Variants in SDK1 observed in about 807,000 individuals in gnomAD.
The protein encoded by SDK1 is protein sidekick-1.
Under a neutral mutation model 245.5 loss-of-function variants are expected in SDK1, and 157 were observed. That is an observed-to-expected ratio of 0.64 (90% confidence interval 0.56 to 0.73). The LOEUF is 0.73. SDK1 is among the 30% of genes least tolerant of loss of function. The pLI, the probability that SDK1 is intolerant of heterozygous loss-of-function variation, is 0.00. For missense variants in SDK1, 3,583 were observed against 3,002.3 expected (o/e 1.19, Z -4.52); for synonymous variants, 1,647 against 1,278.5 (o/e 1.29, Z -6.15).
chr7:3,447,618 A>G (rs566045033), intron 1 of SDK1, among the ~76,000 whole-genome samples: 1 of 152,014 alleles, frequency 6.6e-6, no homozygotes, highest in East Asian at 1.9e-4. Context: ...ATATTGATGT[A>G]CATTTGGGTG....
Position 3,390,436 on chromosome 7 carries a change from A to G in SDK1, c.298+88552A>G, listed in dbSNP as rs181228558. On this transcript the variant is annotated intron_variant, in intron 1 of 44. Coordinates refer to ENST00000404826, the MANE Select transcript of SDK1 (RefSeq NM_152744.4). ...AGAACTGTGCATCCTCTTATTGTGC[A>G]CAATTGATCTGGAAGCATCTTTCCT... Among the ~76,000 whole-genome samples, 4 of 152,346 alleles carry G rather than the reference A, an allele frequency of 2.6e-5. No homozygotes were observed. The East Asian group carries it at 7.7e-4, about 29-fold the overall frequency.
chr7:3,777,604 C>T (rs967028250), intron 4 of SDK1, among the ~76,000 whole-genome samples: 1 of 152,234 alleles, frequency 6.6e-6, no homozygotes, highest in Non-Finnish European at 1.5e-5. Flanking sequence ...CCTCTGCCAA[C>T]AGTGTCCCCT....
chr7:3,985,101 T>A (rs1238027417), intron 13 of SDK1, among the ~76,000 whole-genome samples: 1 of 152,122 alleles, frequency 6.6e-6, no homozygotes, highest in African/African-American at 2.4e-5. Flanking sequence ...CTTATCCCCA[T>A]GACTGGCCTT....
chr7:3,546,288 G>T (rs1779223311), intron 1 of SDK1, among the ~76,000 whole-genome samples: 1 of 152,180 alleles, frequency 6.6e-6, no homozygotes, highest in Non-Finnish European at 1.5e-5. Context: ...AAAAGCATGG[G>T]TGTGAATCCT....
intron 1 of SDK1, among the ~76,000 whole-genome samples, chr7:3,361,986 C>T (rs974823141): frequency 3.3e-5 from 5 of 152,164 alleles, no homozygotes; most frequent in African/African-American, 1.2e-4. Flanking sequence ...GTCTTGGTAC[C>T]ACGCTTTATT....
intron 5 of SDK1, among the ~76,000 whole-genome samples, chr7:3,904,781 C>G (rs964300311): frequency 1.3e-5 from 2 of 152,042 alleles, no homozygotes; most frequent in African/African-American, 2.4e-5. Context: ...ATCACAAGGT[C>G]AGGAGATCGA....
At chr7:4,204,553 G>A (rs13230809) in intron 35 of SDK1, among the ~76,000 whole-genome samples, 11 of 152,292 alleles carry the variant, frequency 7.2e-5, no homozygotes, top group African/African-American at 2.2e-4. Context: ...GGGAAGGGGC[G>A]AGTCCTGAGG....
At chr7:3,970,184 C>A (rs1782379044) in intron 11 of SDK1, among the ~76,000 whole-genome samples, 2 of 152,194 alleles carry the variant, frequency 1.3e-5, no homozygotes, top group Admixed American at 6.5e-5. Flanking sequence ...TTTTACAAAT[C>A]TATCTACATG....
At chr7:3,652,446 G>T (rs187930192) in intron 4 of SDK1, among the ~76,000 whole-genome samples, 9 of 152,218 alleles carry the variant, frequency 5.9e-5, no homozygotes, top group African/African-American at 2.2e-4. Flanking sequence ...GCCCCTCATG[G>T]CCTCACAGCT....
rs562973867 is a variant in SDK1, at chr7:4,265,633, T to G, written c.*249T>G. 15 of 1,307,412 alleles carry G rather than the reference T, an allele frequency of 1.1e-5. No homozygotes were observed. The African/African-American group carries it at 1.7e-4, about 15-fold the overall frequency. The allele number at this position is 1,307,412 out of a possible 1,614,324, so 81.0% of individuals were successfully genotyped here. A position where few individuals can be genotyped will look rare whatever the true frequency, so the allele number is the denominator to read the frequency against. ...CTTTTCTTTTTAAGAGAAGGTGTAT[T>G]TCACTGGTGCAATGGCTTGGCACCT... On this transcript the variant is annotated 3_prime_UTR_variant, in exon 45 of 45. Transcript: ENST00000404826.
chr7:3,735,341 C>T (rs1439196874), intron 4 of SDK1, among the ~76,000 whole-genome samples: 1 of 152,136 alleles, frequency 6.6e-6, no homozygotes, highest in Non-Finnish European at 1.5e-5. Flanking sequence ...TCCCCCACAG[C>T]CCCAGGCAGC....
intron 4 of SDK1, among the ~76,000 whole-genome samples, chr7:3,776,198 G>A (rs913937344): frequency 1.3e-5 from 2 of 152,196 alleles, no homozygotes; most frequent in Non-Finnish European, 2.9e-5. Flanking sequence ...CATTTGCTTT[G>A]GAGGAGCTGT....
At chr7:3,811,505 A>G (rs1195394364) in intron 4 of SDK1, among the ~76,000 whole-genome samples, 2 of 152,222 alleles carry the variant, frequency 1.3e-5, no homozygotes, top group African/African-American at 2.4e-5. Context: ...TTGGGAGAAG[A>G]TGCAAGAGCT....
chr7:3,661,685 C>T (rs753508178), intron 4 of SDK1, among the ~76,000 whole-genome samples: 1 of 152,160 alleles, frequency 6.6e-6, no homozygotes, highest in African/African-American at 2.4e-5. Flanking sequence ...TTAACATCTT[C>T]AGGAATATAT....
At chr7:3,532,755 T>C (rs1261526739) in intron 1 of SDK1, among the ~76,000 whole-genome samples, 1 of 152,244 alleles carries the variant, frequency 6.6e-6, no homozygotes, top group East Asian at 1.9e-4. Flanking sequence ...CTCTGCACTC[T>C]GCATTCGAAG....
chr7:4,063,508 G>A lies in SDK1; in HGVS notation c.2912-4330G>A, dbSNP rs190629479. 9.3e-5 allele frequency among the ~76,000 whole-genome samples: 14 copies of A among 151,200 alleles called. No individual in the cohort carries two copies. In the East Asian group the frequency reaches 2.7e-3, roughly 29 times the overall value. ...CCATGCTCATGGATCAGAAGAATTA[G>A]CATTATTAAAATGACCATACTCCCC... On this transcript the variant is annotated intron_variant, in intron 19 of 44. Transcript: ENST00000404826.
rs1780497632 is a variant in SDK1, at chr7:4,153,171, G to T, written c.4625+3708G>T. Among the ~76,000 whole-genome samples the T allele has an allele frequency of 2.6e-5, 4 of 152,036 alleles. No homozygotes were observed. The South Asian group carries it at 8.3e-4, about 31-fold the overall frequency. The stretch of plus-strand genomic sequence containing the variant: ...AGACAGAAAGGCGCAGAGGGAATGA[G>T]CATGGAAAACAGCAGGGATTCAACG... On this transcript the variant is annotated intron_variant, in intron 30 of 44. Coordinates refer to ENST00000404826, the MANE Select transcript of SDK1 (RefSeq NM_152744.4).
intron 1 of SDK1, among the ~76,000 whole-genome samples, chr7:3,525,391 TG>T (rs1783092382): frequency 6.6e-6 from 1 of 152,114 alleles, no homozygotes; most frequent in Non-Finnish European, 1.5e-5. Flanking sequence ...TCCTTGCTCC[TG>T]GGGTTGTTTG....
rs1178741654 is a variant in SDK1, at chr7:4,042,162, A to T, written c.2603-7186A>T. Among the ~76,000 whole-genome samples the T allele has an allele frequency of 5.2e-5, 7 of 135,658 alleles. 2 individuals are homozygous for T. The highest frequency in any genetic ancestry group is 2.4e-4 in the African/African-American group (7 of 29,322). The allele number at this position is 135,658 out of a possible 152,430, so 89.0% of individuals were successfully genotyped here. ...GTAAACGGTGGTTTATGGCTACAAAAACTAACAGATATCCCTGTCTCTGGG... is the reference window on the plus strand; with the variant it reads ...GTAAACGGTGGTTTATGGCTACAAATACTAACAGATATCCCTGTCTCTGGG... On this transcript the variant is annotated intron_variant, in intron 17 of 44. Transcript: ENST00000404826.
Sources: allele counts gnomAD v4.1 joint callset (sites outside exome capture counted in the v4.1 genomes callset), GRCh38; gene constraint gnomAD v4.1.1; transcripts MANE v1.5; gene names NCBI Gene and HGNC (gene_info 2026-07-23, HGNC 2026-07-21).